PPARGC1A: variants seen among roughly 807,000 people sequenced by gnomAD.
The protein encoded by PPARGC1A is PPARG coactivator 1 alpha.
PPARGC1A carries 25 observed loss-of-function variants against 88.7 expected under a neutral mutation model. That is an observed-to-expected ratio of 0.28 (90% CI 0.21 to 0.39). The LOEUF (loss-of-function observed/expected upper bound fraction) is 0.39, where lower values mean the gene tolerates loss of function less well. Among genes scored for constraint, PPARGC1A ranks in the 10% least tolerant of loss-of-function variants. The pLI is 1.00. For synonymous variants in PPARGC1A, 363 were observed against 355.6 expected (o/e 1.02, Z -0.24); for missense variants, 880 against 968.7 (o/e 0.91, Z 1.22).
chr4:23,997,599 T>A, the PPARGC1A span, among the ~76,000 whole-genome samples: 1 of 145,986 alleles, frequency 6.8e-6, no homozygotes, highest in Non-Finnish European at 1.5e-5. Flanking sequence ...ACCTCCTGGG[T>A]TCAAGCATTT....
At chr4:23,996,432 G>A in the PPARGC1A span, among the ~76,000 whole-genome samples, 1 of 152,110 alleles carries the variant, frequency 6.6e-6, no homozygotes, top group African/African-American at 2.4e-5. Flanking sequence ...CAGAACTGCA[G>A]AACAGAATAC....
At chr4:24,263,564 A>T in the PPARGC1A span, among the ~76,000 whole-genome samples, 1 of 151,856 alleles carries the variant, frequency 6.6e-6, no homozygotes, top group East Asian at 1.9e-4. Flanking sequence ...AAGTTATACC[A>T]AGTGTGCCCG....
chr4:24,074,438 T>C, the PPARGC1A span, among the ~76,000 whole-genome samples: 4 of 152,294 alleles, frequency 2.6e-5, no homozygotes, highest in East Asian at 7.7e-4. Context: ...AATAATTTTT[T>C]TTTTGGCTTA....
At chr4:24,430,905 G>T in the PPARGC1A span, among the ~76,000 whole-genome samples, 1 of 152,072 alleles carries the variant, frequency 6.6e-6, no homozygotes, top group South Asian at 2.1e-4. Context: ...ATCGCCTGAG[G>T]TCAGGAGTTC....
At chr4:24,232,082 A>G in the PPARGC1A span, among the ~76,000 whole-genome samples, 1 of 152,120 alleles carries the variant, frequency 6.6e-6, no homozygotes, top group South Asian at 2.1e-4. Flanking sequence ...ATATGTCTCA[A>G]TCTGTCTTTT....
At chr4:24,141,204 T>C in the PPARGC1A span, among the ~76,000 whole-genome samples, 1 of 152,204 alleles carries the variant, frequency 6.6e-6, no homozygotes, top group South Asian at 2.1e-4. Context: ...AATGATGCCT[T>C]CTATGGCTCA....
intron 2 of PPARGC1A, among the ~76,000 whole-genome samples, chr4:23,865,036 T>A (rs1004584524): frequency 2.0e-5 from 3 of 152,104 alleles, no homozygotes; most frequent in Middle Eastern, 3.4e-3. Flanking sequence ...ACACAAAAAA[T>A]TTGCTGGGCA....
the PPARGC1A span, among the ~76,000 whole-genome samples, chr4:24,152,430 T>C: frequency 6.6e-6 from 1 of 152,132 alleles, no homozygotes; most frequent in South Asian, 2.1e-4. Context: ...TGTTCCTTTT[T>C]ACACAATTCA....
chr4:23,976,689 C>T, the PPARGC1A span, among the ~76,000 whole-genome samples: 2 of 152,064 alleles, frequency 1.3e-5, no homozygotes, highest in Non-Finnish European at 2.9e-5. Context: ...AAGACAGACA[C>T]CAGAAATGTG....
chr4:24,243,137 G>T, the PPARGC1A span, among the ~76,000 whole-genome samples: 1 of 152,060 alleles, frequency 6.6e-6, no homozygotes, highest in Non-Finnish European at 1.5e-5. Flanking sequence ...AAAGTACCTG[G>T]TTCACCAGAA....
chr4:24,363,391 C>A, the PPARGC1A span, among the ~76,000 whole-genome samples: 12 of 152,158 alleles, frequency 7.9e-5, no homozygotes, highest in African/African-American at 2.9e-4. Context: ...TATAGAAGTA[C>A]TTTTAACATT....
chr4:24,437,209 C>A, the PPARGC1A span, among the ~76,000 whole-genome samples: 1 of 152,192 alleles, frequency 6.6e-6, no homozygotes, highest in East Asian at 1.9e-4. Flanking sequence ...CATGGCACAG[C>A]CTCAGGGACC....
chr4:23,979,288 T>A, the PPARGC1A span, among the ~76,000 whole-genome samples: 1 of 152,190 alleles, frequency 6.6e-6, no homozygotes, highest in Non-Finnish European at 1.5e-5. Flanking sequence ...CTTTGAAATA[T>A]CAATTTTAAG....
chr4:24,195,524 T>C, the PPARGC1A span, among the ~76,000 whole-genome samples: 1 of 152,208 alleles, frequency 6.6e-6, no homozygotes, highest in Non-Finnish European at 1.5e-5. Context: ...TTTACTTGTT[T>C]AAGAATTTGG....
chr4:24,300,060 C>T, the PPARGC1A span, among the ~76,000 whole-genome samples: 1 of 152,124 alleles, frequency 6.6e-6, no homozygotes, highest in Non-Finnish European at 1.5e-5. Context: ...TGCCTTGGGG[C>T]TTTCTTAAAG....
chr4:23,922,619 T>G, the PPARGC1A span, among the ~76,000 whole-genome samples: 1 of 152,086 alleles, frequency 6.6e-6, no homozygotes, highest in African/African-American at 2.4e-5. Context: ...GAGGCGGAGG[T>G]TTCTGCTGGC....
chr4:24,006,690 C>A, the PPARGC1A span, among the ~76,000 whole-genome samples: 2 of 152,072 alleles, frequency 1.3e-5, no homozygotes, highest in African/African-American at 2.4e-5. Flanking sequence ...CATATTGTAG[C>A]CTGCCCCTCA....
At chr4:24,434,871 T>C in the PPARGC1A span, among the ~76,000 whole-genome samples, 3 of 152,244 alleles carry the variant, frequency 2.0e-5, no homozygotes, top group Non-Finnish European at 4.4e-5. Context: ...ATGGGTGCTG[T>C]CAATGACAGC....
the PPARGC1A span, among the ~76,000 whole-genome samples, chr4:23,937,953 AAT>A: frequency 6.6e-6 from 1 of 152,158 alleles, no homozygotes; most frequent in Admixed American, 6.5e-5. Context: ...TATTCATCTC[AAT>A]AGGACTTTGC....
Sources: gnomAD v4.1 joint callset for allele counts (sites outside exome capture counted in the v4.1 genomes callset) on GRCh38, gnomAD v4.1.1 for gene constraint, MANE v1.5 for transcripts, NCBI Gene and HGNC (gene_info 2026-07-23, HGNC 2026-07-21) for gene names.